The following DYNC2H1 variants were observed in gnomAD, a reference collection of about 807,000 sequenced individuals.
DYNC2H1 encodes dynein cytoplasmic 2 heavy chain 1.
In DYNC2H1, 410 loss-of-function variants were observed where a neutral mutation model predicts 570.0. The ratio of observed to expected loss-of-function variants is 0.72; its 90% CI spans 0.66 to 0.78. The LOEUF (loss-of-function observed/expected upper bound fraction) is 0.78, where lower values mean the gene tolerates loss of function less well. Among genes scored for constraint, DYNC2H1 ranks in the 30% least tolerant of loss-of-function variants. The pLI, the probability that DYNC2H1 is intolerant of heterozygous loss-of-function variation, is 0.00. For missense variants in DYNC2H1, 4,865 were observed against 5,046.4 expected (o/e 0.96, Z 1.09); for synonymous variants, 1,688 against 1,677.6 (o/e 1.01, Z -0.15).
chr11:103,290,598 T>TAG (rs1866553178), intron 75 of DYNC2H1, among the ~76,000 whole-genome samples: 1 of 152,170 alleles, frequency 6.6e-6, no homozygotes, highest in African/African-American at 2.4e-5. Context: ...TAACTGGACT[T>TAG]AGACAACATC....
In DYNC2H1 at chr11:103,325,938, C is replaced by T. The variant is rs1938446158; in HGVS notation, c.12039+1948C>T. Among the ~76,000 whole-genome samples the T allele has an allele frequency of 6.6e-6, 1 of 152,122 alleles. No homozygotes were observed. The highest frequency in any genetic ancestry group is 1.5e-5 in the Non-Finnish European group (1 of 68,030). ...TTTTTGAATTGCCAGAGTTTTTTCT[C>T]TGATTCTCATCTGGTGGGGCTGGCG... On this transcript the variant is annotated intron_variant, in intron 82 of 88. Coordinates refer to ENST00000375735, the MANE Select transcript of DYNC2H1 (RefSeq NM_001377.3). This position sits in a 1 kb window ranked among gnomAD's most constrained non-coding sequence, Gnocchi z 4.8.
chr11:103,423,655 G>A (rs776319610), intron 84 of DYNC2H1, among the ~76,000 whole-genome samples: 27 of 151,752 alleles, frequency 1.8e-4, no homozygotes, highest in Middle Eastern at 3.4e-3. Context: ...TGAAAAGCAA[G>A]CCACAGAATA....
At chr11:103,338,602 G>A (rs975275130) in intron 82 of DYNC2H1, among the ~76,000 whole-genome samples, 3 of 152,116 alleles carry the variant, frequency 2.0e-5, no homozygotes, top group African/African-American at 7.2e-5. Context: ...CAGTTCTGCT[G>A]TTGAGACACT....
chr11:103,156,285 G>A (rs1447883573), intron 25 of DYNC2H1, 103 bp from the exon 26 acceptor site: 5 of 1,185,112 alleles, frequency 4.2e-6, no homozygotes, highest in Non-Finnish European at 5.8e-6. Flanking sequence ...GCCTTATGGT[G>A]AAAAGCCAGA....
intron 59 of DYNC2H1, among the ~76,000 whole-genome samples, chr11:103,223,490 C>T (rs1042030947): frequency 2.0e-5 from 3 of 152,024 alleles, no homozygotes; most frequent in East Asian, 1.9e-4. Context: ...CAGGTTCAAG[C>T]GATTCTCCTG....
chr11:103,292,972 G>A lies in DYNC2H1; in HGVS notation c.11095+5367G>A, dbSNP rs76635755. Among the ~76,000 whole-genome samples, 724 of 152,250 alleles carry A rather than the reference G, an allele frequency of 4.8e-3. 5 individuals are homozygous for A. The highest frequency in any genetic ancestry group is 0.028 in the East Asian group (147 of 5,180). On this transcript the variant is annotated intron_variant, in intron 75 of 88. Transcript: ENST00000375735. ...GCCTAACACAAGTGACTTACACACCGCAATTACAGTGTTAGCATTTTATGT... is the reference window on the plus strand; with the variant it reads ...GCCTAACACAAGTGACTTACACACCACAATTACAGTGTTAGCATTTTATGT...
Position 103,275,288 on chromosome 11 carries a change from T to C in DYNC2H1, c.10696-5060T>C, listed in dbSNP as rs1865865148. On this transcript the variant is annotated intron_variant, in intron 70 of 88. Transcript: ENST00000375735. The surrounding 1 kb of genome is among the most constrained non-coding windows in gnomAD (Gnocchi z 4.8). Reference sequence around the variant, plus strand: ...CCACATACTGTACAGCCTCTTTCACTATCAAAATCCTGCACCAGAGTGGTA... The same window carrying C: ...CCACATACTGTACAGCCTCTTTCACCATCAAAATCCTGCACCAGAGTGGTA... 6.6e-6 allele frequency among the ~76,000 whole-genome samples: 1 copy of C among 152,192 alleles called. No homozygotes were observed. Among genetic ancestry groups the C allele is most frequent in the African/African-American group, 2.4e-5 (1 of 41,444 alleles).
At chr11:103,258,362 A>T (rs1865144665) in intron 69 of DYNC2H1, among the ~76,000 whole-genome samples, 1 of 152,214 alleles carries the variant, frequency 6.6e-6, no homozygotes, top group Non-Finnish European at 1.5e-5. Flanking sequence ...ATATATGCAC[A>T]TTGTTCTAAT....
At chr11:103,345,591 T>G (rs1939703884) in intron 82 of DYNC2H1, among the ~76,000 whole-genome samples, 1 of 152,210 alleles carries the variant, frequency 6.6e-6, no homozygotes, top group Admixed American at 6.5e-5. Flanking sequence ...TCTTTCCATG[T>G]GTTCTTCAGC....
intron 59 of DYNC2H1, among the ~76,000 whole-genome samples, chr11:103,229,686 A>T (rs541594336): frequency 6.6e-6 from 1 of 152,172 alleles, no homozygotes; most frequent in East Asian, 1.9e-4. Flanking sequence ...TGTTCTAGAG[A>T]TTACCTATTG....
intron 82 of DYNC2H1, among the ~76,000 whole-genome samples, chr11:103,353,483 A>G (rs951428987): frequency 6.6e-6 from 1 of 152,138 alleles, no homozygotes; most frequent in African/African-American, 2.4e-5. Context: ...ATCTTCTGGT[A>G]ATTTTATTAT....
intron 70 of DYNC2H1, among the ~76,000 whole-genome samples, chr11:103,278,683 C>T (rs1214194616): frequency 6.6e-6 from 1 of 152,118 alleles, no homozygotes; most frequent in African/African-American, 2.4e-5. Flanking sequence ...TCTCCTGCCT[C>T]GGCCTCCTGA....
rs1864481310 is a variant in DYNC2H1, at chr11:103,243,137, A to T, written c.9820-556A>T. Among the ~76,000 whole-genome samples the T allele has an allele frequency of 6.6e-6, 1 of 152,256 alleles. No individual in the cohort carries two copies. The highest frequency in any genetic ancestry group is 2.4e-5 in the African/African-American group (1 of 41,544). On this transcript the variant is annotated intron_variant, in intron 63 of 88. Transcript: ENST00000375735. This position sits in a 1 kb window ranked among gnomAD's most constrained non-coding sequence, Gnocchi z 4.8. ...ACTCCTTTAGTAATATTGGATATAT[A>T]CTGCTTTAGAAGAATTAATGTCTTA... is the stretch of plus-strand genomic sequence containing the variant.
chr11:103,126,606 A>T lies in DYNC2H1; in HGVS notation c.1857+1311A>T, dbSNP rs570175737. On this transcript the variant is annotated intron_variant, in intron 12 of 88. Transcript: ENST00000375735. ...TAGTAAGTTATGAAGCTGGGATTTG[A>T]TATCAAGTTTCTCTGACTCTAGAAC... Among the ~76,000 whole-genome samples the T allele has an allele frequency of 3.6e-4, 54 of 151,672 alleles. No individual in the cohort carries two copies. In the South Asian group the frequency reaches 0.011, roughly 31 times the overall value.
intron 31 of DYNC2H1, among the ~76,000 whole-genome samples, chr11:103,166,743 C>T (rs936454800): frequency 2.0e-5 from 3 of 151,876 alleles, no homozygotes; most frequent in Non-Finnish European, 2.9e-5. Context: ...TGGCAGCATT[C>T]AAGATTTTCT....
At chr11:103,456,408 TAA>T in intron 87 of DYNC2H1, 52 bp downstream of exon 87, 5 of 1,434,680 alleles carry the variant, frequency 3.5e-6, no homozygotes, top group Non-Finnish European at 3.8e-6. Context: ...CCAACTGATA[TAA>T]GAGATTCTGA....
intron 85 of DYNC2H1, among the ~76,000 whole-genome samples, chr11:103,453,774 CAG>C (rs1410545048): frequency 6.6e-6 from 1 of 150,986 alleles, no homozygotes; most frequent in Non-Finnish European, 1.5e-5. Flanking sequence ...TATAAAATAA[CAG>C]GAATAAATAT....
chr11:103,145,503 T>C lies in DYNC2H1; in HGVS notation c.2702+2108T>C, dbSNP rs1860195622. Among the ~76,000 whole-genome samples the C allele has an allele frequency of 6.6e-6, 1 of 152,156 alleles. No individual in the cohort carries two copies. Among genetic ancestry groups the C allele is most frequent in the African/African-American group, 2.4e-5 (1 of 41,438 alleles). ...TAAGAACCTCTACTGCTTCCTCTAC[T>C]ATTTTTTTGTCCCTTACTATAGATA... On this transcript the variant is annotated intron_variant, in intron 18 of 88. Transcript: ENST00000375735. The surrounding 1 kb of genome is among the most constrained non-coding windows in gnomAD (Gnocchi z 4.2).
At position 103,299,269 on chromosome 11, in the gene DYNC2H1, C is replaced by T. The variant is rs1194526445; in HGVS notation, c.11096-3824C>T. Among the ~76,000 whole-genome samples the T allele has an allele frequency of 6.6e-6, 1 of 152,122 alleles. No individual in the cohort carries two copies. Among genetic ancestry groups the T allele is most frequent in the East Asian group, 1.9e-4 (1 of 5,196 alleles). ...ATGCACCCTGCTTTCATAGCTCAAT[C>T]TGTCTTATCAAGTTTGTGTCTAAAA... On this transcript the variant is annotated intron_variant, in intron 75 of 88. Coordinates refer to ENST00000375735, the MANE Select transcript of DYNC2H1 (RefSeq NM_001377.3). This position sits in a 1 kb window ranked among gnomAD's most constrained non-coding sequence, Gnocchi z 4.5.
Sources: allele counts gnomAD v4.1 joint callset (sites outside exome capture counted in the v4.1 genomes callset), GRCh38; gene constraint gnomAD v4.1.1; non-coding constraint Gnocchi (gnomAD v3.1); transcripts MANE v1.5; gene names NCBI Gene and HGNC (gene_info 2026-07-23, HGNC 2026-07-21).